OR52N4: variants seen among roughly 807,000 people sequenced by gnomAD.
The protein encoded by OR52N4 is olfactory receptor 52N4.
Under a neutral mutation model 15.0 loss-of-function variants are expected in OR52N4, and 15 were observed. The observed-to-expected ratio is 1.00, with a 90% CI of 0.67 to 1.54. The LOEUF (loss-of-function observed/expected upper bound fraction) is 1.54, where lower values mean the gene tolerates loss of function less well. Ranked by LOEUF, OR52N4 falls within the 40% of genes most tolerant of loss-of-function variation. OR52N4 has a pLI of 0.00. For missense variants in OR52N4, 421 were observed against 394.0 expected, an observed-to-expected ratio of 1.07 and a Z score of -0.58; for synonymous variants, 143 against 143.7, an observed-to-expected ratio of 1.00 and a Z score of 0.03.
the OR52N4 span, among the ~76,000 whole-genome samples, chr11:5,731,100 G>A: frequency 2.6e-5 from 4 of 152,150 alleles, no homozygotes; most frequent in Non-Finnish European, 5.9e-5. Context: ...TTTAGTCATA[G>A]TGTCTAATTT....
chr11:5,740,382 G>C, the OR52N4 span, among the ~76,000 whole-genome samples: 1 of 127,846 alleles, frequency 7.8e-6, no homozygotes, highest in East Asian at 2.7e-4. Context: ...AAACCACGTA[G>C]AGTAATAATG....
At chr11:5,752,608 T>C (rs1296688016), upstream of OR52N4, among the ~76,000 whole-genome samples, 1 of 152,220 alleles carries the variant, frequency 6.6e-6, no homozygotes, top group Non-Finnish European at 1.5e-5. Context: ...TTTTAACATA[T>C]TACGTCCTTT....
rs534275998 is a variant in OR52N4, at chr11:5,755,945, T to C, written c.*239T>C. ...GACCAGTCTAATAATTAAACCATAT[T>C]TTATTCGACAAAACCTAATGAGTCC... On this transcript the variant is annotated 3_prime_UTR_variant, in exon 2 of 2. Coordinates refer to ENST00000641350, the MANE Select transcript of OR52N4 (RefSeq NM_001005175.5). 2.1e-5 allele frequency: 10 copies of C among 474,556 alleles called. No individual in the cohort carries two copies. Among genetic ancestry groups the C allele is most frequent in the Non-Finnish European group, 3.7e-5 (10 of 271,370 alleles). 29.4% of individuals were successfully genotyped at this position (474,556 alleles called of 1,614,324 possible).
rs1470698632 is a variant in OR52N4 at position 5,755,790 on chromosome 11, A to G, written c.*84A>G. The G allele has an allele frequency of 4.0e-6, 6 of 1,493,068 alleles. No homozygotes were observed. Among genetic ancestry groups the G allele is most frequent in the Non-Finnish European group, 4.5e-6 (5 of 1,114,510 alleles). 92.5% of individuals were successfully genotyped at this position (1,493,068 alleles called of 1,614,324 possible). ...GCAGGAGTTCATAAAATCTTTCTGG[A>G]AGCACTGTATTGATCACAAAATGGA... On this transcript the variant is annotated 3_prime_UTR_variant, in exon 2 of 2. Coordinates refer to ENST00000641350, the MANE Select transcript of OR52N4 (RefSeq NM_001005175.5).
rs373532134 is a variant in OR52N4, at chr11:5,755,629, G to A, written c.889G>A (p.Val297Met). Residue 297 changes from valine to methionine, a missense_variant, in exon 2 of 2, where the codon GTG (valine) becomes ATG (methionine). Val to Met is a conservative substitution (Grantham distance 21, BLOSUM62 1). Coordinates refer to ENST00000641350, the MANE Select transcript of OR52N4 (RefSeq NM_001005175.5). ...PPTMNPIVYG[V>M]KTKQIRDCVI... ...CACTATGAACCCTATTGTCTATGGGGTGAAAACCAAACAGATACGAGACTG... is the reference window on the plus strand; with the variant it reads ...CACTATGAACCCTATTGTCTATGGGATGAAAACCAAACAGATACGAGACTG... The A allele has an allele frequency of 2.3e-5, 37 of 1,613,738 alleles. No individual in the cohort carries two copies. The African/African-American group carries it at 4.8e-4, about 21-fold the overall frequency.
chr11:5,735,098 C>T, the OR52N4 span, among the ~76,000 whole-genome samples: 5 of 151,912 alleles, frequency 3.3e-5, no homozygotes, highest in East Asian at 9.6e-4. Context: ...AAAATCAACC[C>T]ATAACTAATA....
the OR52N4 span, chr11:5,734,292 C>A: frequency 2.3e-6 from 1 of 443,248 alleles, no homozygotes; most frequent in Non-Finnish European, 4.5e-6. Flanking sequence ...AGTTCAATGG[C>A]TTATCCTAAA....
chr11:5,749,131 G>A, the OR52N4 span, among the ~76,000 whole-genome samples: 2 of 60,968 alleles, frequency 3.3e-5, no homozygotes, highest in African/African-American at 8.6e-5. Context: ...ATTAATTCTA[G>A]GATTGTGAAT....
At chr11:5,734,314 T>G in the OR52N4 span, 2 of 406,110 alleles carry the variant, frequency 4.9e-6, no homozygotes, top group African/African-American at 2.1e-5. Context: ...ATTATGTTGT[T>G]TTGTCAACAT....
the OR52N4 span, among the ~76,000 whole-genome samples, chr11:5,729,755 T>C: frequency 6.6e-6 from 1 of 152,238 alleles, no homozygotes. Context: ...GCCACTCATG[T>C]TTGTAATATT....
chr11:5,729,341 C>T, the OR52N4 span, among the ~76,000 whole-genome samples: 12 of 151,822 alleles, frequency 7.9e-5, no homozygotes, highest in South Asian at 2.1e-4. Flanking sequence ...AGGATGGTCT[C>T]GATCTCCTGA....
At chr11:5,736,861 C>T in the OR52N4 span, 3 of 1,614,018 alleles carry the variant, frequency 1.9e-6, no homozygotes, top group Non-Finnish European at 2.5e-6. Flanking sequence ...CCATTCACTT[C>T]TTTGTGGGCA....
At chr11:5,728,580 T>A in the OR52N4 span, among the ~76,000 whole-genome samples, 1 of 152,226 alleles carries the variant, frequency 6.6e-6, no homozygotes, top group Non-Finnish European at 1.5e-5. Context: ...TCCGCTTATA[T>A]GCCATCCTAC....
chr11:5,730,445 C>T, the OR52N4 span, among the ~76,000 whole-genome samples: 1 of 151,932 alleles, frequency 6.6e-6, no homozygotes, highest in Non-Finnish European at 1.5e-5. Flanking sequence ...CCCGCCTCAG[C>T]CTCCCAAAGT....
At position 5,755,471 on chromosome 11, in the gene OR52N4, C is replaced by T. The variant is rs778899142; in HGVS notation, c.731C>T (p.Thr244Ile). 6.2e-7 allele frequency: 1 copy of T among 1,614,086 alleles called. No homozygotes were observed. Among genetic ancestry groups the T allele is most frequent in the South Asian group, 1.1e-5 (1 of 91,084 alleles). ...DARQKAFNTC[T>I]AHICAIVFSY... ...CGGCAGAAGGCCTTTAATACCTGCACTGCCCACATTTGTGCCATTGTTTTC... is the reference window on the plus strand; with the variant it reads ...CGGCAGAAGGCCTTTAATACCTGCATTGCCCACATTTGTGCCATTGTTTTC... Residue 244 changes from threonine (T) to isoleucine (I), a missense_variant, in exon 2 of 2, where the codon ACT (threonine) becomes ATT (isoleucine). By Grantham distance (89) the Thr-to-Ile change is moderately conservative. Transcript: ENST00000641350.
At chr11:5,737,661 A>T in the OR52N4 span, 8 of 558,512 alleles carry the variant, frequency 1.4e-5, no homozygotes, top group Non-Finnish European at 2.0e-5. Flanking sequence ...AGCCTAAAAT[A>T]TTGACAAAAG....
the OR52N4 span, among the ~76,000 whole-genome samples, chr11:5,742,678 A>G: frequency 6.6e-6 from 1 of 152,174 alleles, no homozygotes; most frequent in Non-Finnish European, 1.5e-5. Flanking sequence ...TTTCCCAGAT[A>G]AGCAAACACT....
chr11:5,730,827 AC>A, the OR52N4 span, among the ~76,000 whole-genome samples: 4 of 151,174 alleles, frequency 2.6e-5, no homozygotes, highest in Non-Finnish European at 4.4e-5. Flanking sequence ...TGCAGAAAAC[AC>A]TGTGCTCTTC....
chr11:5,731,687 T>C, the OR52N4 span, among the ~76,000 whole-genome samples: 1 of 152,150 alleles, frequency 6.6e-6, no homozygotes, highest in African/African-American at 2.4e-5. Flanking sequence ...TTCTTCCAAT[T>C]TGAGGTAGGT....
Sources: allele counts gnomAD v4.1 joint callset (sites outside exome capture counted in the v4.1 genomes callset), GRCh38; gene constraint gnomAD v4.1.1; transcripts MANE v1.5; gene names NCBI Gene and HGNC (gene_info 2026-07-23, HGNC 2026-07-21).